The following NCOA2 variants were observed in gnomAD, a reference collection of about 807,000 sequenced individuals.
The protein encoded by NCOA2 is nuclear receptor coactivator 2, also known as class E basic helix-loop-helix protein 75.
In NCOA2, 21 loss-of-function variants were observed where a neutral mutation model predicts 145.1. That is an observed-to-expected ratio of 0.14 (90% CI 0.10 to 0.21). NCOA2 has a LOEUF of 0.21. Ranked by LOEUF, NCOA2 falls within the 10% of genes least tolerant of loss-of-function variation. The probability of loss-of-function intolerance (pLI) is 1.00; values close to 1 mark genes in which losing one functional copy is unlikely to be tolerated. For synonymous variants in NCOA2, 619 were observed against 637.5 expected (o/e 0.97, Z 0.44); for missense variants, 1,472 against 1,837.6 (o/e 0.80, Z 3.64).
rs1025773998 is a variant in NCOA2 at position 70,113,470 on chromosome 8, C to T, written c.*162G>A. On this transcript the variant is annotated 3_prime_UTR_variant, in exon 23 of 23. Transcript: ENST00000452400. ...GAAGAGGCAGCTCCTCCTGCCACAG[C>T]CGAGTGGACGCCACCCTGGGAACCA... The T allele has an allele frequency of 7.6e-5, 53 of 699,910 alleles. No homozygotes were observed. Among genetic ancestry groups the T allele is most frequent in the Admixed American group, 1.1e-4 (4 of 36,684 alleles). The allele number at this position is 699,910 out of a possible 1,614,324, so 43.4% of individuals were successfully genotyped here. A position where few individuals can be genotyped will look rare whatever the true frequency, so the allele number is the denominator to read the frequency against.
intron 2 of NCOA2, among the ~76,000 whole-genome samples, chr8:70,287,252 T>TATTAATTA (rs59932009): frequency 6.6e-5 from 10 of 151,716 alleles, no homozygotes; most frequent in African/African-American, 2.4e-4. Flanking sequence ...TCAAAAAATA[T>TATTAATTA]ATTAATTAAT....
rs200582649 is a variant in NCOA2 at position 70,158,033 on chromosome 8, CT to C, written c.1125-794del. Among the ~76,000 whole-genome samples the C allele has an allele frequency of 2.6e-5, 4 of 152,238 alleles. No individual in the cohort carries two copies. The East Asian group carries it at 7.7e-4, about 29-fold the overall frequency. ...CTTTAATTTACAGCCTTGGCAGTCA[CT>C]TTTGAGTTACCAAATGTGTTCACAA... On this transcript the variant is annotated intron_variant, in intron 10 of 22. Coordinates refer to ENST00000452400, the MANE Select transcript of NCOA2 (RefSeq NM_006540.4).
At chr8:70,169,250 T>C (rs1022211902) in intron 6 of NCOA2, among the ~76,000 whole-genome samples, 1 of 152,134 alleles carries the variant, frequency 6.6e-6, no homozygotes, top group African/African-American at 2.4e-5. Flanking sequence ...GTGTCCTTAA[T>C]CATCACGTAC....
intron 1 of NCOA2, among the ~76,000 whole-genome samples, chr8:70,338,313 C>G (rs762311671): frequency 6.6e-6 from 1 of 152,118 alleles, no homozygotes; most frequent in Non-Finnish European, 1.5e-5. Flanking sequence ...ATAAACACTT[C>G]CATGCACATG....
Position 70,293,489 on chromosome 8 carries a change from A to G in NCOA2, c.-20+3255T>C, listed in dbSNP as rs916085945. ...TAAACTGGTACTACATGAAGTATAT[A>G]TTGTGTTTTATTGTACAGTGGAGAA... On this transcript the variant is annotated intron_variant, in intron 2 of 22. Coordinates refer to ENST00000452400, the MANE Select transcript of NCOA2 (RefSeq NM_006540.4). 3.9e-5 allele frequency among the ~76,000 whole-genome samples: 6 copies of G among 152,340 alleles called. 1 individual carries two copies. The South Asian group carries it at 1.2e-3, about 32-fold the overall frequency.
At chr8:70,422,229 T>C in the NCOA2 span, among the ~76,000 whole-genome samples, 1 of 152,316 alleles carries the variant, frequency 6.6e-6, no homozygotes, top group Middle Eastern at 3.4e-3. Context: ...TTGAAAGCTT[T>C]AGTTAAACTA....
chr8:70,294,690 T>G (rs1826949629), intron 2 of NCOA2, among the ~76,000 whole-genome samples: 1 of 152,144 alleles, frequency 6.6e-6, no homozygotes, highest in South Asian at 2.1e-4. Flanking sequence ...GTACTAGGGG[T>G]ATTTAGGCAG....
chr8:70,427,062 G>A, the NCOA2 span, among the ~76,000 whole-genome samples: 2 of 152,150 alleles, frequency 1.3e-5, no homozygotes, highest in East Asian at 1.9e-4. Flanking sequence ...TGGGGTTACA[G>A]GTGTGAGCAC....
At chr8:70,428,150 G>GT in the NCOA2 span, among the ~76,000 whole-genome samples, 1 of 151,970 alleles carries the variant, frequency 6.6e-6, no homozygotes, top group Non-Finnish European at 1.5e-5. Context: ...CCCCTCGAAG[G>GT]TTTTCTCAGA....
At chr8:70,372,336 TA>T (rs1201278616) in intron 1 of NCOA2, among the ~76,000 whole-genome samples, 2 of 152,150 alleles carry the variant, frequency 1.3e-5, no homozygotes, top group African/African-American at 4.8e-5. Context: ...ATATAACTCT[TA>T]GTACAGAAAT....
chr8:70,147,466 T>C, intron 12 of NCOA2, among the ~76,000 whole-genome samples: 2 of 152,230 alleles, frequency 1.3e-5, no homozygotes, highest in East Asian at 3.8e-4. Flanking sequence ...AAAATCACTC[T>C]GTTTTGCCAA....
At chr8:70,148,512 C>T (rs2132023430) in intron 11 of NCOA2, 29 bp from the exon 12 acceptor site, 1 of 1,603,168 alleles carries the variant, frequency 6.2e-7, no homozygotes, top group Non-Finnish European at 8.5e-7. Flanking sequence ...AGAGTTTATC[C>T]AGTCTACTCT....
At chr8:70,119,886 T>C (rs1408029103) in intron 22 of NCOA2, among the ~76,000 whole-genome samples, 1 of 151,014 alleles carries the variant, frequency 6.6e-6, no homozygotes, top group African/African-American at 2.4e-5. Context: ...TTTTTTTTTT[T>C]TGAGATGGAG....
At chr8:70,420,461 C>G in the NCOA2 span, among the ~76,000 whole-genome samples, 12 of 152,186 alleles carry the variant, frequency 7.9e-5, no homozygotes, top group African/African-American at 2.9e-4. Flanking sequence ...CTGAGAACTA[C>G]TATGCTAACT....
At chr8:70,277,729 A>G (rs1825570823) in intron 2 of NCOA2, among the ~76,000 whole-genome samples, 2 of 152,184 alleles carry the variant, frequency 1.3e-5, no homozygotes, top group African/African-American at 4.8e-5. Context: ...TCATTTTTTA[A>G]AAAATGAATA....
Position 70,123,899 on chromosome 8 carries a change from G to C in NCOA2, c.4278C>G (p.Ser1426=). Residue 1426 remains serine, a synonymous_variant, in exon 21 of 23, where the codon TCC becomes TCG. Coordinates refer to ENST00000452400, the MANE Select transcript of NCOA2 (RefSeq NM_006540.4). The part of the protein sequence containing the change: ...VTSVPTSGLS[S]MGPEQVNDPA... ...GGGCACTCACCTGCTCGGGACCCATGGAGGACAGCCCTGACGTAGGCACGG... is the reference window on the plus strand; with the variant it reads ...GGGCACTCACCTGCTCGGGACCCATCGAGGACAGCCCTGACGTAGGCACGG... 1 of 1,612,278 alleles carries C rather than the reference G, an allele frequency of 6.2e-7. No individual in the cohort carries two copies. The highest frequency in any genetic ancestry group is 2.2e-5 in the East Asian group (1 of 44,826).
chr8:70,304,793 C>A (rs1214951113), intron 1 of NCOA2, among the ~76,000 whole-genome samples: 2 of 151,100 alleles, frequency 1.3e-5, no homozygotes, highest in African/African-American at 4.9e-5. Context: ...CCATGCCTGG[C>A]AACTATATGC....
upstream of NCOA2, chr8:70,403,837 T>TC: frequency 2.6e-6 from 1 of 388,980 alleles, no homozygotes; most frequent in Non-Finnish European, 4.5e-6. Context: ...ATGGAGATCC[T>TC]CCCCCAACTC....
intron 2 of NCOA2, among the ~76,000 whole-genome samples, chr8:70,226,669 TATA>T (rs929101609): frequency 1.0e-4 from 15 of 149,408 alleles, no homozygotes; most frequent in Middle Eastern, 7.1e-3. Context: ...TTTATATATA[TATA>T]TATATATAAA....
Sources: allele counts gnomAD v4.1 joint callset (sites outside exome capture counted in the v4.1 genomes callset), GRCh38; gene constraint gnomAD v4.1.1; transcripts MANE v1.5; gene names NCBI Gene and HGNC (gene_info 2026-07-23, HGNC 2026-07-21).